Variants in CDK6 observed in about 807,000 individuals in gnomAD.
CDK6 encodes cyclin dependent kinase 6, also known as cyclin-dependent kinase 6.
In CDK6, 6 loss-of-function variants were observed where a neutral mutation model predicts 37.1. That is an observed-to-expected ratio of 0.16 (90% confidence interval 0.09 to 0.32). The LOEUF is 0.32. Ranked by LOEUF, CDK6 falls within the 10% of genes least tolerant of loss-of-function variation. CDK6 has a pLI of 1.00. For missense variants in CDK6, 224 were observed against 418.9 expected (o/e 0.53, Z 4.06); for synonymous variants, 160 against 161.3 (o/e 0.99, Z 0.06).
intron 5 of CDK6, among the ~76,000 whole-genome samples, chr7:92,625,978 T>C (rs989258109): frequency 1.3e-5 from 2 of 152,080 alleles, no homozygotes; most frequent in African/African-American, 4.8e-5. Flanking sequence ...CATAAAGTGA[T>C]CTTTCAAAAA....
intron 4 of CDK6, among the ~76,000 whole-genome samples, chr7:92,712,179 T>TGA (rs959002134): frequency 1.4e-5 from 2 of 147,972 alleles, no homozygotes; most frequent in African/African-American, 5.0e-5. Context: ...AAAAGAACCA[T>TGA]GAGAGTTTAA....
At chr7:92,738,702 T>C (rs1798848539) in intron 3 of CDK6, among the ~76,000 whole-genome samples, 1 of 152,000 alleles carries the variant, frequency 6.6e-6, no homozygotes, top group East Asian at 1.9e-4. Flanking sequence ...GGCATCCCTA[T>C]AGATGGGAAA....
At chr7:92,715,671 A>G (rs1290147215) in intron 4 of CDK6, among the ~76,000 whole-genome samples, 7 of 152,230 alleles carry the variant, frequency 4.6e-5, no homozygotes, top group Non-Finnish European at 1.0e-4. Context: ...AAGATTAGCA[A>G]TAAAGTCAAT....
intron 3 of CDK6, among the ~76,000 whole-genome samples, chr7:92,770,475 C>T (rs538086629): frequency 5.3e-5 from 8 of 151,958 alleles, no homozygotes; most frequent in African/African-American, 1.4e-4. Flanking sequence ...ACATGAGCAC[C>T]GTGCAATAAT....
chr7:92,631,161 T>C (rs1385457427), intron 5 of CDK6, among the ~76,000 whole-genome samples: 4 of 152,106 alleles, frequency 2.6e-5, no homozygotes, highest in Non-Finnish European at 5.9e-5. Flanking sequence ...TGTTCTTCAA[T>C]ACCTGGTCAT....
chr7:92,651,095 G>C (rs887791703), intron 5 of CDK6, among the ~76,000 whole-genome samples: 2 of 152,042 alleles, frequency 1.3e-5, no homozygotes, highest in Non-Finnish European at 2.9e-5. Context: ...TTACCATGTT[G>C]GCCAGGCTGG....
chr7:92,791,712 C>T (rs936419172), intron 2 of CDK6, among the ~76,000 whole-genome samples: 1 of 152,136 alleles, frequency 6.6e-6, no homozygotes, highest in African/African-American at 2.4e-5. Flanking sequence ...GGGGAAGTGG[C>T]TGGGGAGCTG....
At chr7:92,687,280 T>C (rs1797480050) in intron 4 of CDK6, among the ~76,000 whole-genome samples, 1 of 152,208 alleles carries the variant, frequency 6.6e-6, no homozygotes, top group African/African-American at 2.4e-5. Flanking sequence ...CCCCATAAAA[T>C]TGAATGCTAC....
At chr7:92,768,440 G>A (rs765972631) in intron 3 of CDK6, among the ~76,000 whole-genome samples, 2 of 152,164 alleles carry the variant, frequency 1.3e-5, no homozygotes, top group Non-Finnish European at 2.9e-5. Flanking sequence ...CTTCTTTAAA[G>A]AGACTTTATT....
intron 4 of CDK6, among the ~76,000 whole-genome samples, chr7:92,695,951 T>C (rs1223070029): frequency 1.3e-5 from 2 of 152,234 alleles, no homozygotes; most frequent in Non-Finnish European, 2.9e-5. Flanking sequence ...CTGATTTCAG[T>C]TGGAGCAGCT....
At chr7:92,699,467 T>C (rs992569902) in intron 4 of CDK6, among the ~76,000 whole-genome samples, 7 of 152,258 alleles carry the variant, frequency 4.6e-5, no homozygotes, top group African/African-American at 1.7e-4. Flanking sequence ...TACATTTTTC[T>C]ACTAAACCAA....
chr7:92,834,136 G>C lies in CDK6; in HGVS notation c.-367-446C>G, dbSNP rs987792169. ...AGGGAGACGGGGTCCAGGGGTGCCGGAGGGCGTTCAGGGGTCGCGCACAAG... is the reference window on the plus strand; with the variant it reads ...AGGGAGACGGGGTCCAGGGGTGCCGCAGGGCGTTCAGGGGTCGCGCACAAG... On this transcript the variant is annotated intron_variant, in intron 1 of 7. Coordinates refer to ENST00000424848, the MANE Select transcript of CDK6 (RefSeq NM_001145306.2). This position sits in a 1 kb window ranked among gnomAD's most constrained non-coding sequence, Gnocchi z 4.6. Among the ~76,000 whole-genome samples the C allele has an allele frequency of 2.0e-5, 3 of 152,094 alleles. No individual in the cohort carries two copies. The highest frequency in any genetic ancestry group is 1.5e-5 in the Non-Finnish European group (1 of 68,024).
At position 92,608,761 on chromosome 7, in the gene CDK6, C is replaced by T. The variant is rs532148818; in HGVS notation, c.*6379G>A. 3.7e-4 allele frequency: 85 copies of T among 231,540 alleles called. No individual in the cohort carries two copies. The highest frequency in any genetic ancestry group is 1.8e-3 in the African/African-American group (83 of 45,362). The allele number at this position is 231,540 out of a possible 1,614,324, so 14.3% of individuals were successfully genotyped here. ...AGATGCCTCTGAGACAGCAGCAGGG[C>T]ACTCTGACCTCGGAAAGCAGCCCGC... is the stretch of plus-strand genomic sequence containing the variant. On this transcript the variant is annotated 3_prime_UTR_variant, in exon 8 of 8. Transcript: ENST00000424848.
chr7:92,669,741 T>C (rs1201661248), intron 5 of CDK6, among the ~76,000 whole-genome samples: 1 of 152,240 alleles, frequency 6.6e-6, no homozygotes, highest in Non-Finnish European at 1.5e-5. Context: ...AGCCCAGTAA[T>C]GAATCAGAAT....
intron 5 of CDK6, among the ~76,000 whole-genome samples, chr7:92,657,701 A>C (rs1369624160): frequency 6.6e-6 from 1 of 152,152 alleles, no homozygotes; most frequent in Non-Finnish European, 1.5e-5. Context: ...TTATAAAATT[A>C]CCATATTCAC....
chr7:92,812,054 G>A (rs905036095), intron 2 of CDK6, among the ~76,000 whole-genome samples: 9 of 152,116 alleles, frequency 5.9e-5, no homozygotes, highest in African/African-American at 4.8e-5. Context: ...CAGGAGAATC[G>A]CTTGAACTTG....
chr7:92,704,301 A>G (rs2116667499), intron 4 of CDK6, among the ~76,000 whole-genome samples: 1 of 152,312 alleles, frequency 6.6e-6, no homozygotes, highest in South Asian at 2.1e-4. Context: ...AACTATAGCA[A>G]AACTTGAAGA....
At chr7:92,785,048 A>G (rs1800088951) in intron 2 of CDK6, among the ~76,000 whole-genome samples, 1 of 152,196 alleles carries the variant, frequency 6.6e-6, no homozygotes, top group Non-Finnish European at 1.5e-5. Context: ...AATAGACACA[A>G]ATGTTCACTG....
chr7:92,831,114 C>G (rs1344066566), intron 2 of CDK6, among the ~76,000 whole-genome samples: 3 of 152,194 alleles, frequency 2.0e-5, no homozygotes, highest in Non-Finnish European at 2.9e-5. Context: ...GAAAACAATG[C>G]CTTTGTCTTC....
Sources: gnomAD v4.1 joint callset for allele counts (sites outside exome capture counted in the v4.1 genomes callset) on GRCh38, gnomAD v4.1.1 for gene constraint, Gnocchi (gnomAD v3.1) non-coding constraint, MANE v1.5 for transcripts, NCBI Gene and HGNC (gene_info 2026-07-23, HGNC 2026-07-21) for gene names.